SEMA3E: variants seen among roughly 807,000 people sequenced by gnomAD.
The protein encoded by SEMA3E is semaphorin 3E.
In SEMA3E, 49 loss-of-function variants were observed where a neutral mutation model predicts 93.6. That is an observed-to-expected ratio of 0.52 (90% confidence interval 0.42 to 0.66). The LOEUF (loss-of-function observed/expected upper bound fraction) is 0.66, where lower values mean the gene tolerates loss of function less well. SEMA3E is among the 30% of genes least tolerant of loss of function. The pLI is 0.00. For missense variants in SEMA3E, 906 were observed against 964.8 expected, an observed-to-expected ratio of 0.94 and a Z score of 0.81; for synonymous variants, 363 against 330.7, an observed-to-expected ratio of 1.10 and a Z score of -1.06.
chr7:83,619,900 T>TAGACAGACAGACAGACAGAC (rs1224607258), intron 1 of SEMA3E, among the ~76,000 whole-genome samples: 214 of 117,812 alleles, frequency 1.8e-3, no homozygotes, highest in African/African-American at 4.6e-3. Flanking sequence ...GATAGATAGA[T>TAGACAGACAGACAGACAGAC]AGACAGATAG....
intron 1 of SEMA3E, among the ~76,000 whole-genome samples, chr7:83,545,323 C>A (rs1489395057): frequency 6.6e-6 from 1 of 151,966 alleles, no homozygotes; most frequent in South Asian, 2.1e-4. Context: ...GGGGCCATGC[C>A]TTCCCCCAGT....
chr7:83,391,016 T>A (rs1171110933), intron 14 of SEMA3E, among the ~76,000 whole-genome samples: 2 of 152,206 alleles, frequency 1.3e-5, no homozygotes, highest in African/African-American at 4.8e-5. Flanking sequence ...TAAACAGTTT[T>A]ATTGTTGCTA....
Position 83,553,152 on chromosome 7 carries a change from C to T in SEMA3E, c.116-62878G>A, listed in dbSNP as rs76874594. ...GGTGATGTCACCCCTGGCGGCCCAT[C>T]GGTAAAATTCCTCTCTTTATACTGT... On this transcript the variant is annotated intron_variant, in intron 1 of 16. Transcript: ENST00000643230. 1.7e-3 allele frequency among the ~76,000 whole-genome samples: 252 copies of T among 152,268 alleles called. 1 individual carries two copies. The highest frequency in any genetic ancestry group is 5.6e-3 in the African/African-American group (231 of 41,564).
At chr7:83,563,196 CACAG>C (rs1792072960) in intron 1 of SEMA3E, among the ~76,000 whole-genome samples, 1 of 152,178 alleles carries the variant, frequency 6.6e-6, no homozygotes, top group Admixed American at 6.5e-5. Flanking sequence ...CGTTGATCAA[CACAG>C]ACAAACTCTC....
intron 1 of SEMA3E, among the ~76,000 whole-genome samples, chr7:83,545,824 T>C (rs1791638124): frequency 6.8e-6 from 1 of 147,132 alleles, no homozygotes; most frequent in South Asian, 2.1e-4. Context: ...ATTATATATA[T>C]ATATAATATA....
At chr7:83,434,720 T>C in intron 4 of SEMA3E, among the ~76,000 whole-genome samples, 1 of 78,030 alleles carries the variant, frequency 1.3e-5, no homozygotes, top group East Asian at 2.0e-4. Context: ...TTTTTTTTTT[T>C]TTTTTTTTTT....
intron 5 of SEMA3E, among the ~76,000 whole-genome samples, chr7:83,416,023 C>A (rs1788531983): frequency 6.6e-6 from 1 of 152,016 alleles, no homozygotes; most frequent in Non-Finnish European, 1.5e-5. Context: ...TTCCAGCCCA[C>A]ATTCCTGCTG....
Position 83,456,547 on chromosome 7 carries a change from A to G in SEMA3E, c.456+9935T>C, listed in dbSNP as rs922006137. 5.9e-5 allele frequency among the ~76,000 whole-genome samples: 9 copies of G among 151,964 alleles called. No homozygotes were observed. In the South Asian group the frequency reaches 1.7e-3, roughly 28 times the overall value. The stretch of plus-strand genomic sequence containing the variant: ...ATTCTAAGAAAAATCTTCTTTCAGC[A>G]TTCTTAGACTTTTTATGTTTTTCTC... On this transcript the variant is annotated intron_variant, in intron 4 of 16. Transcript: ENST00000643230.
At position 83,367,875 on chromosome 7, in the gene SEMA3E, T is replaced by A. The variant is rs1162874998; in HGVS notation, c.2039A>T (p.Asp680Val). Reference sequence around the variant, plus strand: ...CTCCTCATCGTCCTTGTTAAACATATCCTCGACTTTCTCCTCTTCCACTAC... The same window carrying A: ...CTCCTCATCGTCCTTGTTAAACATAACCTCGACTTTCTCCTCTTCCACTAC... ...LEVVEEEKVE[D>V]MFNKDDEEDR... The change falls in exon 17 of 17, where the codon GAT becomes GTT. Residue 680 changes from aspartate (D) to valine (V), a missense_variant. Coordinates refer to ENST00000643230, the MANE Select transcript of SEMA3E (RefSeq NM_012431.3). The A allele has an allele frequency of 1.2e-6, 2 of 1,611,310 alleles. No homozygotes were observed. The highest frequency in any genetic ancestry group is 1.3e-5 in the African/African-American group (1 of 74,786).
intron 13 of SEMA3E, 57 bp downstream of exon 13, chr7:83,394,235 GACCTT>G: frequency 1.9e-6 from 3 of 1,538,520 alleles, no homozygotes; most frequent in Non-Finnish European, 2.7e-6. Context: ...CATATCCTTT[GACCTT>G]ACCTTAGCTC....
intron 1 of SEMA3E, among the ~76,000 whole-genome samples, chr7:83,606,219 A>G (rs760239639): frequency 6.6e-6 from 1 of 152,216 alleles, no homozygotes; most frequent in Non-Finnish European, 1.5e-5. Context: ...AAGGAAGAGA[A>G]CAAAGTAGTT....
At chr7:83,544,325 ATGT>A (rs1485796130) in intron 1 of SEMA3E, among the ~76,000 whole-genome samples, 2 of 152,142 alleles carry the variant, frequency 1.3e-5, no homozygotes, top group African/African-American at 4.8e-5. Context: ...TCAAATAATA[ATGT>A]TGTTTAGAAG....
intron 1 of SEMA3E, among the ~76,000 whole-genome samples, chr7:83,493,537 G>A (rs935226908): frequency 1.3e-5 from 2 of 151,696 alleles, no homozygotes; most frequent in Non-Finnish European, 2.9e-5. Flanking sequence ...ACATTTCTAA[G>A]GTCATTTTTT....
intron 1 of SEMA3E, among the ~76,000 whole-genome samples, chr7:83,549,599 T>C (rs1791719445): frequency 6.6e-6 from 1 of 152,152 alleles, no homozygotes; most frequent in Admixed American, 6.6e-5. Flanking sequence ...CTGTATCTAA[T>C]GTCTAACTCA....
At chr7:83,454,272 A>AATATATATATATATATATAT (rs71534491) in intron 4 of SEMA3E, among the ~76,000 whole-genome samples, 1 of 110,136 alleles carries the variant, frequency 9.1e-6, no homozygotes, top group African/African-American at 4.3e-5. Flanking sequence ...AAAAAAAAAA[A>AATATATATATATATATATAT]ATATATATAT....
At chr7:83,489,598 G>C (rs939361601) in intron 2 of SEMA3E, among the ~76,000 whole-genome samples, 5 of 152,032 alleles carry the variant, frequency 3.3e-5, no homozygotes, top group African/African-American at 1.2e-4. Context: ...TATAATTACA[G>C]ATTATTTTTC....
At chr7:83,373,034 C>G (rs1047801832) in intron 16 of SEMA3E, 1 of 152,148 alleles carries the variant, frequency 6.6e-6, no homozygotes, top group Admixed American at 6.5e-5. Context: ...CATAATACAT[C>G]ATTTCTATCA....
intron 1 of SEMA3E, among the ~76,000 whole-genome samples, chr7:83,619,904 C>CAGAT (rs1554344946): frequency 0.2 from 30,011 of 147,954 alleles, 3,150 homozygotes; most frequent in African/African-American, 0.26. Flanking sequence ...GATAGATAGA[C>CAGAT]AGATAGATAG....
At position 83,405,470 on chromosome 7, in the gene SEMA3E, A is replaced by C; in HGVS notation, c.978T>G (p.Phe326Leu). The C allele has an allele frequency of 6.2e-7, 1 of 1,612,944 alleles. No homozygotes were observed. The highest frequency in any genetic ancestry group is 8.5e-7 in the Non-Finnish European group (1 of 1,179,254). The change falls in exon 9 of 17, where the codon TTT becomes TTG. Residue 326 changes from phenylalanine to leucine, a missense_variant. By Grantham distance (22) the Phe-to-Leu change is conservative. Coordinates refer to ENST00000643230, the MANE Select transcript of SEMA3E (RefSeq NM_012431.3). ...CTCACCTGGTAGTGTTAAAGAGTCC[A>C]AATATCACTGGATTCTTATGATCTC... The part of the protein sequence containing the change: ...PTRDHKNPVI[F>L]GLFNTTSNIF...
Sources: allele counts gnomAD v4.1 joint callset (sites outside exome capture counted in the v4.1 genomes callset), GRCh38; gene constraint gnomAD v4.1.1; transcripts MANE v1.5; gene names NCBI Gene and HGNC (gene_info 2026-07-23, HGNC 2026-07-21).